Variants in ANO3 observed in about 807,000 individuals in gnomAD.
ANO3 encodes the protein anoctamin 3.
Under a neutral mutation model 144.8 loss-of-function variants are expected in ANO3, and 99 were observed. The observed-to-expected ratio is 0.68, with a 90% CI of 0.58 to 0.81. The LOEUF is 0.81. Ranked by LOEUF, ANO3 falls within the 30% of genes least tolerant of loss-of-function variation. The pLI, the probability that ANO3 is intolerant of heterozygous loss-of-function variation, is 0.00. For missense variants in ANO3, 905 were observed against 1,202.2 expected (o/e 0.75, Z 3.66); for synonymous variants, 414 against 392.6 (o/e 1.05, Z -0.64).
intron 1 of ANO3, among the ~76,000 whole-genome samples, chr11:26,316,100 G>A (rs1449844065): frequency 1.3e-5 from 2 of 152,166 alleles, no homozygotes; most frequent in South Asian, 2.1e-4. Context: ...CCCTAGATGT[G>A]GTCTGCATAG....
chr11:26,486,819 T>C (rs1360894912), intron 4 of ANO3, among the ~76,000 whole-genome samples: 1 of 152,222 alleles, frequency 6.6e-6, no homozygotes, highest in Non-Finnish European at 1.5e-5. Context: ...TTTGAATCTA[T>C]CATCTTCATT....
chr11:26,643,861 C>T (rs915168204), intron 23 of ANO3, among the ~76,000 whole-genome samples: 1 of 152,166 alleles, frequency 6.6e-6, no homozygotes, highest in Non-Finnish European at 1.5e-5. Context: ...ATCCCCTTTT[C>T]GCTTTCCTAC....
chr11:26,384,414 A>G (rs1856669235), intron 1 of ANO3, among the ~76,000 whole-genome samples: 1 of 152,142 alleles, frequency 6.6e-6, no homozygotes, highest in Non-Finnish European at 1.5e-5. Flanking sequence ...AATCATACCT[A>G]TTAGCTCCGA....
chr11:26,469,510 G>T, intron 4 of ANO3, among the ~76,000 whole-genome samples: 1 of 151,850 alleles, frequency 6.6e-6, no homozygotes, highest in East Asian at 1.9e-4. Context: ...TTACTGAAGA[G>T]CTAAAGAGGT....
chr11:26,311,512 C>T (rs750474125), intron 1 of ANO3, among the ~76,000 whole-genome samples: 1 of 152,204 alleles, frequency 6.6e-6, no homozygotes, highest in Non-Finnish European at 1.5e-5. Flanking sequence ...AGTATTTTTA[C>T]GTTGTCTCCA....
In ANO3 at chr11:26,285,089, T is replaced by C. The variant is rs78273514; in HGVS notation, c.155-24556T>C. The stretch of plus-strand genomic sequence containing the variant: ...AGCTACCACTATGTGGTTTATTTAC[T>C]GTGTACAATTTTTTTTTTTAATTAT... On this transcript the variant is annotated intron_variant, in intron 1 of 27. Coordinates refer to the ANO3 transcript ENST00000672621. Among the ~76,000 whole-genome samples the C allele has an allele frequency of 4.7e-3, 719 of 151,388 alleles. 11 individuals carry two copies. Among genetic ancestry groups the C allele is most frequent in the African/African-American group, 0.017 (675 of 40,794 alleles).
At chr11:26,395,836 A>T (rs761873135) in intron 1 of ANO3, among the ~76,000 whole-genome samples, 7 of 152,182 alleles carry the variant, frequency 4.6e-5, no homozygotes, top group Non-Finnish European at 8.8e-5. Flanking sequence ...TAAAACCATA[A>T]AAACCCTAAG....
chr11:26,547,199 AC>A (rs1849811247), intron 11 of ANO3, among the ~76,000 whole-genome samples: 1 of 151,860 alleles, frequency 6.6e-6, no homozygotes, highest in South Asian at 2.1e-4. Flanking sequence ...AATACATGTG[AC>A]AGAATTGCCC....
chr11:26,251,542 CATTT>C (rs1852927239), intron 1 of ANO3, among the ~76,000 whole-genome samples: 2 of 152,114 alleles, frequency 1.3e-5, no homozygotes, highest in Non-Finnish European at 2.9e-5. Context: ...TGTTTCTCTG[CATTT>C]ATTTAACATT....
chr11:26,426,396 G>C (rs1331270094), intron 1 of ANO3, among the ~76,000 whole-genome samples: 1 of 152,040 alleles, frequency 6.6e-6, no homozygotes, highest in Non-Finnish European at 1.5e-5. Flanking sequence ...AGGGAGGGTA[G>C]TTTGGCATGT....
intron 1 of ANO3, among the ~76,000 whole-genome samples, chr11:26,239,367 C>G (rs1383259614): frequency 6.6e-6 from 1 of 152,100 alleles, no homozygotes; most frequent in Non-Finnish European, 1.5e-5. Flanking sequence ...CTTACAGTCA[C>G]ATTTTGAAAA....
intron 1 of ANO3, among the ~76,000 whole-genome samples, chr11:26,264,476 A>G (rs1853262984): frequency 6.6e-6 from 1 of 152,152 alleles, no homozygotes; most frequent in African/African-American, 2.4e-5. Context: ...TCATAATACA[A>G]AGTGATGATG....
chr11:26,584,345 G>A (rs1851218177), intron 14 of ANO3, among the ~76,000 whole-genome samples: 1 of 152,132 alleles, frequency 6.6e-6, no homozygotes, highest in African/African-American at 2.4e-5. Context: ...TTTTAGTAGA[G>A]ACAGGGTTTC....
At chr11:26,210,936 T>C (rs933015105) in intron 1 of ANO3, among the ~76,000 whole-genome samples, 1 of 152,058 alleles carries the variant, frequency 6.6e-6, no homozygotes, top group Admixed American at 6.6e-5. Context: ...CTGTCAATAT[T>C]AGACAGATCA....
Position 26,634,257 on chromosome 11 carries a change from C to G in ANO3, c.1927C>G (p.Leu643Val). Reference sequence around the variant, plus strand: ...AAACAGCTTCGCCCTGAAGATGTTCCTCTTCCAGTTTGTCAATTTAAACAG... The same window carrying G: ...AAACAGCTTCGCCCTGAAGATGTTCGTCTTCCAGTTTGTCAATTTAAACAG... The part of the protein sequence containing the change: ...WENSFALKMF[L>V]FQFVNLNSSI... The change falls in exon 19 of 27, where the codon CTC (leucine) becomes GTC (valine). Residue 643 changes from leucine (L) to valine (V), a missense_variant. By Grantham distance (32) the Leu-to-Val change is conservative. Coordinates refer to ENST00000256737, the MANE Select transcript of ANO3 (RefSeq NM_031418.4). 1 of 1,613,980 alleles carries G rather than the reference C, an allele frequency of 6.2e-7. No homozygotes were observed. The highest frequency in any genetic ancestry group is 8.5e-7 in the Non-Finnish European group (1 of 1,179,938).
Position 26,340,004 on chromosome 11 carries a change from G to A in ANO3, c.46+7683G>A, listed in dbSNP as rs1481152690. 2.0e-5 allele frequency among the ~76,000 whole-genome samples: 3 copies of A among 152,200 alleles called. No homozygotes were observed. In the East Asian group the frequency reaches 5.8e-4, roughly 29 times the overall value. The stretch of plus-strand genomic sequence containing the variant: ...ACCTCCTCACTATAACCAAGATGCG[G>A]TTGGCCTGCTGAGGAGAGAGGTTCC... On this transcript the variant is annotated intron_variant, in intron 1 of 26. Coordinates refer to ENST00000256737, the MANE Select transcript of ANO3 (RefSeq NM_031418.4).
intron 18 of ANO3, among the ~76,000 whole-genome samples, chr11:26,626,694 T>A (rs1266143405): frequency 1.3e-5 from 2 of 152,218 alleles, no homozygotes; most frequent in Non-Finnish European, 2.9e-5. Flanking sequence ...TCCAGGAGAT[T>A]TTTGTATATT....
chr11:26,519,317 T>C (rs1861978081), intron 6 of ANO3, among the ~76,000 whole-genome samples: 1 of 152,218 alleles, frequency 6.6e-6, no homozygotes, highest in Non-Finnish European at 1.5e-5. Flanking sequence ...AAAACAGATA[T>C]TTGCCATGAT....
intron 20 of ANO3, among the ~76,000 whole-genome samples, chr11:26,635,556 T>C (rs1852930533): frequency 6.6e-6 from 1 of 152,086 alleles, no homozygotes; most frequent in Non-Finnish European, 1.5e-5. Context: ...GATAAGCATA[T>C]TGTATATTTT....
Sources: gnomAD v4.1 joint callset for allele counts (sites outside exome capture counted in the v4.1 genomes callset) on GRCh38, gnomAD v4.1.1 for gene constraint, MANE v1.5 for transcripts, NCBI Gene and HGNC (gene_info 2026-07-23, HGNC 2026-07-21) for gene names.